NLGN1: variants seen among roughly 807,000 people sequenced by gnomAD.
NLGN1 encodes the protein neuroligin 1, also known as neuroligin-1.
In NLGN1, 12 loss-of-function variants were observed where a neutral mutation model predicts 65.5. The observed-to-expected ratio is 0.18, with a 90% CI of 0.12 to 0.30. The LOEUF (loss-of-function observed/expected upper bound fraction) is 0.30, where lower values mean the gene tolerates loss of function less well. Among genes scored for constraint, NLGN1 ranks in the 10% least tolerant of loss-of-function variants. The pLI is 1.00. For missense variants in NLGN1, 750 were observed against 1,007.1 expected (o/e 0.74, Z 3.46); for synonymous variants, 350 against 359.5 (o/e 0.97, Z 0.30).
At chr3:174,195,434 G>C (rs1733230752) in intron 4 of NLGN1, among the ~76,000 whole-genome samples, 1 of 152,212 alleles carries the variant, frequency 6.6e-6, no homozygotes, top group South Asian at 2.1e-4. Context: ...ATAATGAAGA[G>C]TTTATTAACT....
At chr3:173,638,079 AT>A (rs1001229708) in intron 3 of NLGN1, among the ~76,000 whole-genome samples, 8 of 151,052 alleles carry the variant, frequency 5.3e-5, no homozygotes, top group African/African-American at 9.7e-5. Flanking sequence ...TTGAGATACG[AT>A]TTTTTTTTCA....
chr3:174,148,707 A>G lies in NLGN1; in HGVS notation c.647-126608A>G, dbSNP rs150672755. ...GAATTATTAAATAGAAATCAAAAAT[A>G]GTTGGCCATTAAGGCTCTATAATAA... On this transcript the variant is annotated intron_variant, in intron 4 of 6. Coordinates refer to ENST00000457714, the Ensembl canonical transcript of NLGN1. Among the ~76,000 whole-genome samples the G allele has an allele frequency of 2.8e-4, 42 of 152,308 alleles. No homozygotes were observed. The East Asian group carries it at 7.7e-3, about 28-fold the overall frequency.
chr3:173,575,245 A>C (rs1007530981), intron 2 of NLGN1, among the ~76,000 whole-genome samples: 5 of 152,220 alleles, frequency 3.3e-5, no homozygotes, highest in African/African-American at 1.2e-4. Flanking sequence ...CTTTACACTT[A>C]GCAAACACAT....
chr3:173,720,278 G>T (rs960105149), intron 3 of NLGN1, among the ~76,000 whole-genome samples: 4 of 152,044 alleles, frequency 2.6e-5, no homozygotes, highest in Non-Finnish European at 4.4e-5. Context: ...GAGGCGGGGG[G>T]TGCCGGCGGG....
At chr3:173,976,000 A>G (rs1296229639) in intron 4 of NLGN1, among the ~76,000 whole-genome samples, 1 of 152,030 alleles carries the variant, frequency 6.6e-6, no homozygotes, top group Non-Finnish European at 1.5e-5. Context: ...CTGACTATTT[A>G]TCTACTATAC....
At chr3:173,819,641 T>A (rs759841881) in intron 4 of NLGN1, among the ~76,000 whole-genome samples, 2 of 152,206 alleles carry the variant, frequency 1.3e-5, no homozygotes, top group Non-Finnish European at 2.9e-5. Flanking sequence ...TTCTCTCTGC[T>A]TCCGTGGCAT....
chr3:174,273,572 CTTCT>C, intron 4 of NLGN1, among the ~76,000 whole-genome samples: 1 of 151,702 alleles, frequency 6.6e-6, no homozygotes, highest in East Asian at 1.9e-4. Flanking sequence ...TTTGCAAATA[CTTCT>C]ATCTAAGAAG....
chr3:174,070,598 G>C (rs1739611696), intron 4 of NLGN1, among the ~76,000 whole-genome samples: 1 of 152,016 alleles, frequency 6.6e-6, no homozygotes, highest in East Asian at 1.9e-4. Flanking sequence ...CCAAAGTGTT[G>C]GGATTACAGG....
chr3:173,988,097 T>A (rs1720332941), intron 4 of NLGN1, among the ~76,000 whole-genome samples: 1 of 152,174 alleles, frequency 6.6e-6, no homozygotes, highest in South Asian at 2.1e-4. Context: ...ACTTTTAAAA[T>A]GTAGCTTCAT....
At chr3:173,802,992 G>A (rs891449456) in intron 3 of NLGN1, among the ~76,000 whole-genome samples, 1 of 151,988 alleles carries the variant, frequency 6.6e-6, no homozygotes, top group African/African-American at 2.4e-5. Flanking sequence ...ATAGGCGCCT[G>A]CCACCATGCC....
chr3:173,943,429 T>A (rs778332917), intron 4 of NLGN1, among the ~76,000 whole-genome samples: 15 of 152,154 alleles, frequency 9.9e-5, no homozygotes, highest in Admixed American at 2.0e-4. Flanking sequence ...AACTCTCACC[T>A]AGAAAACAAG....
exon 4 of NLGN1, chr3:173,807,791 A>G (rs757355381): frequency 6.2e-7 from 1 of 1,613,692 alleles, no homozygotes; most frequent in Non-Finnish European, 8.5e-7. Context: ...AGTTATGGCA[A>G]TGTGATCGTC....
intron 4 of NLGN1, among the ~76,000 whole-genome samples, chr3:174,089,062 C>T (rs1744009461): frequency 6.6e-6 from 1 of 152,120 alleles, no homozygotes; most frequent in Admixed American, 6.5e-5. Flanking sequence ...ATCCTGAACA[C>T]ACACAATGGC....
intron 4 of NLGN1, among the ~76,000 whole-genome samples, chr3:173,845,147 CT>C (rs1725486703): frequency 6.6e-6 from 1 of 152,162 alleles, no homozygotes; most frequent in South Asian, 2.1e-4. Context: ...ACCATTCCTG[CT>C]GATATTGTTG....
intron 3 of NLGN1, 79 bp from the exon 3 acceptor site, chr3:173,605,455 G>C: frequency 1.5e-6 from 1 of 680,706 alleles, no homozygotes; most frequent in South Asian, 1.5e-5. Flanking sequence ...AGCGTATTGA[G>C]TTAGATAGTG....
chr3:173,605,657 T>G, intron 3 of NLGN1, 64 bp downstream of exon 3: 1 of 739,498 alleles, frequency 1.4e-6, no homozygotes, highest in Non-Finnish European at 2.0e-6. Flanking sequence ...CAAGATACTC[T>G]CCCTAAGGAT....
At chr3:173,474,966 AAAAG>A (rs572523177) in intron 2 of NLGN1, among the ~76,000 whole-genome samples, 67 of 152,284 alleles carry the variant, frequency 4.4e-4, no homozygotes, top group Non-Finnish European at 9.3e-4. Flanking sequence ...TCAAGGAAAA[AAAAG>A]AAAAAAAGAA....
At chr3:173,798,723 C>T (rs1308633998) in intron 3 of NLGN1, among the ~76,000 whole-genome samples, 4 of 152,040 alleles carry the variant, frequency 2.6e-5, no homozygotes, top group Non-Finnish European at 1.5e-5. Flanking sequence ...GTTTCCCTGT[C>T]TGTGTTTGAA....
intron 3 of NLGN1, among the ~76,000 whole-genome samples, chr3:173,765,069 TG>T (rs1314344689): frequency 6.7e-6 from 1 of 148,990 alleles, no homozygotes; most frequent in Non-Finnish European, 1.5e-5. Flanking sequence ...TGTGTGTGTG[TG>T]TGTGTGTGTG....
Sources: gnomAD v4.1 joint callset for allele counts (sites outside exome capture counted in the v4.1 genomes callset) on GRCh38, gnomAD v4.1.1 for gene constraint, MANE v1.5 for transcripts, NCBI Gene and HGNC (gene_info 2026-07-23, HGNC 2026-07-21) for gene names.